The following CFAP45 variants were observed in gnomAD, a reference collection of about 807,000 sequenced individuals.
CFAP45 encodes the protein cilia- and flagella-associated protein 45.
A neutral mutation model predicts 75.6 loss-of-function variants in CFAP45; 43 were observed. The ratio of observed to expected loss-of-function variants is 0.57; its 90% CI spans 0.45 to 0.73. The LOEUF is 0.73. Among genes scored for constraint, CFAP45 ranks in the 30% least tolerant of loss-of-function variants. The pLI, the probability that CFAP45 is intolerant of heterozygous loss-of-function variation, is 0.00. For synonymous variants in CFAP45, 223 were observed against 244.6 expected, an observed-to-expected ratio of 0.91 and a Z score of 0.82; for missense variants, 689 against 701.5, an observed-to-expected ratio of 0.98 and a Z score of 0.20.
intron 1 of CFAP45, among the ~76,000 whole-genome samples, chr1:159,898,454 T>C (rs1650000235): frequency 6.6e-6 from 1 of 152,220 alleles, no homozygotes; most frequent in African/African-American, 2.4e-5. Context: ...GCACTATACG[T>C]ACACGAACAC....
intron 2 of CFAP45, 122 bp from the exon 3 acceptor site, chr1:159,890,744 CAG>C: frequency 1.5e-6 from 1 of 686,734 alleles, no homozygotes; most frequent in Non-Finnish European, 2.3e-6. Flanking sequence ...GTGTACCGAC[CAG>C]CTTTTCTTTT....
rs768700634 is a variant in CFAP45, at chr1:159,888,369, C to T, written c.400G>A (p.Glu134Lys). Residue 134 changes from glutamate to lysine, a missense_variant, in exon 4 of 12, where the codon GAG becomes AAG. By Grantham distance (56) the Glu-to-Lys change is moderately conservative (BLOSUM62 1). Transcript: ENST00000368099. Reference protein sequence around the residue: ...LEARDQAFKKEKEATMDAVMT... With the variant: ...LEARDQAFKKKKEATMDAVMT... ...TTAACTACCATGGTGGCTTCCTTCTCCTTCTTGAAGGCCTGGTCCCTGGCC... is the reference window on the plus strand; with the variant it reads ...TTAACTACCATGGTGGCTTCCTTCTTCTTCTTGAAGGCCTGGTCCCTGGCC... The T allele has an allele frequency of 3.1e-6, 5 of 1,614,148 alleles. No homozygotes were observed. Among genetic ancestry groups the T allele is most frequent in the East Asian group, 2.2e-5 (1 of 44,874 alleles).
Position 159,872,368 on chromosome 1 carries a change from A to G in CFAP45, c.*117T>C, listed in dbSNP as rs1649299629. ...ACAAGAAAGCCAAGCTGTTCCTTAA[A>G]GTCAAGTAGATTTAATCTGTAACTA... On this transcript the variant is annotated 3_prime_UTR_variant, in exon 12 of 12. Transcript: ENST00000368099. The G allele has an allele frequency of 8.3e-6, 7 of 845,198 alleles. No homozygotes were observed. The highest frequency in any genetic ancestry group is 1.4e-5 in the Non-Finnish European group (7 of 494,592). 52.4% of individuals were successfully genotyped at this position (845,198 alleles called of 1,614,324 possible). A position where few individuals can be genotyped will look rare whatever the true frequency, so the allele number is the denominator to read the frequency against.
chr1:159,888,182 G>T (rs941885257), intron 4 of CFAP45, among the ~76,000 whole-genome samples, 170 bp downstream of exon 4: 27 of 152,164 alleles, frequency 1.8e-4, no homozygotes, highest in African/African-American at 6.3e-4. Flanking sequence ...CTTGGCCCCG[G>T]CTGCTCCCAC....
chr1:159,888,095 C>T, intron 4 of CFAP45, 84 bp from the exon 5 acceptor site: 1 of 1,476,814 alleles, frequency 6.8e-7, no homozygotes, highest in Non-Finnish European at 9.2e-7. Flanking sequence ...ACAGGTGACC[C>T]AGTACAATTT....
chr1:159,895,049 C>T (rs1361926439), intron 1 of CFAP45, among the ~76,000 whole-genome samples: 1 of 152,202 alleles, frequency 6.6e-6, no homozygotes, highest in East Asian at 1.9e-4. Flanking sequence ...CTCCAAAACC[C>T]TCTTAACACA....
At position 159,872,978 on chromosome 1, in the gene CFAP45, C is replaced by T. The variant is rs200089318; in HGVS notation, c.1543G>A (p.Asp515Asn). 9.3e-6 allele frequency: 15 copies of T among 1,614,104 alleles called. No homozygotes were observed. The highest frequency in any genetic ancestry group is 2.2e-5 in the East Asian group (1 of 44,888). ...EEAQKRRERI[D>N]EIKRKKLEEL... ...TCAAGCTTTTTCCTCTTGATCTCAT[C>T]GATGCGCTCACGGCGTTTCTGGGCC... The change falls in exon 11 of 12, where the codon GAT becomes AAT. Residue 515 changes from aspartate to asparagine, a missense_variant. Coordinates refer to ENST00000368099, the MANE Select transcript of CFAP45 (RefSeq NM_012337.3).
intron 1 of CFAP45, among the ~76,000 whole-genome samples, chr1:159,895,808 A>T (rs1649939697): frequency 1.3e-5 from 2 of 152,248 alleles, no homozygotes; most frequent in African/African-American, 4.8e-5. Flanking sequence ...GAGGCTAAGC[A>T]TTGGGAATAA....
chr1:159,879,747 C>T (rs1649504867), intron 8 of CFAP45, among the ~76,000 whole-genome samples: 1 of 152,152 alleles, frequency 6.6e-6, no homozygotes, highest in South Asian at 2.1e-4. Flanking sequence ...TCACACCCTC[C>T]CCCTGGCCTT....
At chr1:159,890,889 G>A (rs1475549098) in intron 2 of CFAP45, among the ~76,000 whole-genome samples, 6 of 150,880 alleles carry the variant, frequency 4.0e-5, no homozygotes, top group Admixed American at 1.3e-4. Context: ...CTCCTGAGTA[G>A]CTGGGATTAC....
At chr1:159,876,211 T>C (rs1649398198) in intron 10 of CFAP45, 2 of 323,156 alleles carry the variant, frequency 6.2e-6, no homozygotes, top group African/African-American at 4.2e-5. Context: ...ACCACTCCTC[T>C]TGCAGTTTCA....
intron 10 of CFAP45, among the ~76,000 whole-genome samples, chr1:159,875,456 A>G (rs1048715861): frequency 1.3e-5 from 2 of 152,170 alleles, no homozygotes; most frequent in Non-Finnish European, 2.9e-5. Context: ...CTGCAGTCCA[A>G]TAAAAGGCCA....
chr1:159,895,448 C>T (rs780220905), intron 1 of CFAP45, among the ~76,000 whole-genome samples: 1 of 152,228 alleles, frequency 6.6e-6, no homozygotes, highest in Non-Finnish European at 1.5e-5. Flanking sequence ...CATTACCAAC[C>T]AGACACCCCA....
chr1:159,891,039 G>T (rs1273859256), intron 2 of CFAP45, among the ~76,000 whole-genome samples: 1 of 152,150 alleles, frequency 6.6e-6, no homozygotes, highest in East Asian at 1.9e-4. Context: ...GATTACAGGC[G>T]TGAGCCACCA....
At chr1:159,891,869 C>G (rs576499567) in intron 2 of CFAP45, among the ~76,000 whole-genome samples, 4 of 152,180 alleles carry the variant, frequency 2.6e-5, no homozygotes, top group African/African-American at 9.7e-5. Flanking sequence ...TTCTGATAGC[C>G]CCCTTTTGCC....
chr1:159,873,959 G>C (rs531188598), intron 10 of CFAP45, among the ~76,000 whole-genome samples: 2 of 151,050 alleles, frequency 1.3e-5, no homozygotes, highest in African/African-American at 4.9e-5. Flanking sequence ...GCTCCACCCT[G>C]GTTACTGGAA....
Position 159,876,650 on chromosome 1 carries a change from GC to G in CFAP45, c.1257del (p.Glu419AspfsTer107), listed in dbSNP as rs1557911022. The stretch of plus-strand genomic sequence containing the variant: ...ACCTGTTCGAGCCGACTTTTTCGCA[GC>G]TCAGCCTCTGTTTCCATCTTCTTCC... ...NARKKMETEA[E>X]LRKSRLEQVA... is the part of the protein sequence containing the mutation. On this transcript the variant is annotated frameshift_variant, in exon 10 of 12. Coordinates refer to ENST00000368099, the MANE Select transcript of CFAP45 (RefSeq NM_012337.3). LOFTEE classifies it high-confidence loss of function. 6.2e-7 allele frequency: 1 copy of G among 1,614,194 alleles called. No homozygotes were observed. The highest frequency in any genetic ancestry group is 8.5e-7 in the Non-Finnish European group (1 of 1,180,036).
chr1:159,897,947 C>A (rs759003080), intron 1 of CFAP45: 10 of 190,450 alleles, frequency 5.3e-5, no homozygotes, highest in Non-Finnish European at 7.8e-5. Flanking sequence ...TTCAGCAAGA[C>A]AAAGCTGGAA....
chr1:159,875,427 AG>A (rs942838150), intron 10 of CFAP45, among the ~76,000 whole-genome samples: 2 of 152,106 alleles, frequency 1.3e-5, no homozygotes, highest in South Asian at 2.1e-4. Flanking sequence ...GTATCATGGC[AG>A]GGGGGACATG....
Sources: gnomAD v4.1 joint callset for allele counts (sites outside exome capture counted in the v4.1 genomes callset) on GRCh38, gnomAD v4.1.1 for gene constraint, MANE v1.5 for transcripts, NCBI Gene and HGNC (gene_info 2026-07-23, HGNC 2026-07-21) for gene names.